GALNT18: variants seen among roughly 807,000 people sequenced by gnomAD.
GALNT18 encodes the protein polypeptide N-acetylgalactosaminyltransferase 18.
Under a neutral mutation model 69.5 loss-of-function variants are expected in GALNT18, and 44 were observed. That is an observed-to-expected ratio of 0.63 (90% CI 0.50 to 0.81). The LOEUF is 0.81. Among genes scored for constraint, GALNT18 ranks in the 40% least tolerant of loss-of-function variants. The pLI, the probability that GALNT18 is intolerant of heterozygous loss-of-function variation, is 0.00. For missense variants in GALNT18, 715 were observed against 810.0 expected (o/e 0.88, Z 1.42); for synonymous variants, 364 against 318.2 (o/e 1.14, Z -1.53).
chr11:11,585,579 C>T (rs1223019129), intron 1 of GALNT18, among the ~76,000 whole-genome samples: 3 of 152,114 alleles, frequency 2.0e-5, no homozygotes, highest in Non-Finnish European at 4.4e-5. Context: ...TGGTCTCGAA[C>T]TCCCGACCTC....
Position 11,377,151 on chromosome 11 carries a change from G to A in GALNT18, c.977+31C>T, listed in dbSNP as rs10444245. The A allele has an allele frequency of 0.81, 1,296,629 of 1,603,692 alleles. 532,185 individuals are homozygous for A. Among genetic ancestry groups the A allele is most frequent in the Middle Eastern group, 0.91 (4,084 of 4,468 alleles). On this transcript the variant is annotated intron_variant, in intron 5 of 10. Coordinates refer to ENST00000227756, the MANE Select transcript of GALNT18 (RefSeq NM_198516.3). The surrounding 1 kb of genome is among the most constrained non-coding windows in gnomAD (Gnocchi z 4.6). ...CGGTCCCTAGCCTGGAGGTCAAAGCGGAGAGACCCACAGGTAAAGGTTTGC... is the reference window on the plus strand; with the variant it reads ...CGGTCCCTAGCCTGGAGGTCAAAGCAGAGAGACCCACAGGTAAAGGTTTGC...
At chr11:11,524,434 A>G (rs566264000) in intron 1 of GALNT18, among the ~76,000 whole-genome samples, 1 of 152,314 alleles carries the variant, frequency 6.6e-6, no homozygotes, top group South Asian at 2.1e-4. Flanking sequence ...TGGTTTCTCA[A>G]TAACACTGAG....
rs911673990 is a variant in GALNT18 at position 11,318,055 on chromosome 11, A to G, written c.1512+9031T>C. Among the ~76,000 whole-genome samples, 17 of 152,216 alleles carry G rather than the reference A, an allele frequency of 1.1e-4. No individual in the cohort carries two copies. Among genetic ancestry groups the G allele is most frequent in the African/African-American group, 4.1e-4 (17 of 41,458 alleles). ...TTGTGACAAAGACAAGATCTCCCGGACACACAGAAAACCACAACTTGCTAC... is the reference window on the plus strand; with the variant it reads ...TTGTGACAAAGACAAGATCTCCCGGGCACACAGAAAACCACAACTTGCTAC... On this transcript the variant is annotated intron_variant, in intron 9 of 10. Coordinates refer to ENST00000227756, the MANE Select transcript of GALNT18 (RefSeq NM_198516.3). The surrounding 1 kb of genome is among the most constrained non-coding windows in gnomAD (Gnocchi z 5.1).
At position 11,463,462 on chromosome 11, in the gene GALNT18, T is replaced by C. The variant is rs1400021310; in HGVS notation, c.236-14526A>G. On this transcript the variant is annotated intron_variant, in intron 1 of 10. Transcript: ENST00000227756. The surrounding 1 kb of genome is among the most constrained non-coding windows in gnomAD (Gnocchi z 4.2). ...GTAGTGTACAGTGCAGAAGGATAAA[T>C]ACGAGCCAGGGCCCCAGCGAGGTTG... 5.9e-5 allele frequency among the ~76,000 whole-genome samples: 9 copies of C among 152,200 alleles called. No individual in the cohort carries two copies. Among genetic ancestry groups the C allele is most frequent in the Non-Finnish European group, 1.2e-4 (8 of 68,040 alleles).
At position 11,470,659 on chromosome 11, in the gene GALNT18, C is replaced by G. The variant is rs151327170; in HGVS notation, c.236-21723G>C. On this transcript the variant is annotated intron_variant, in intron 1 of 10. Coordinates refer to ENST00000227756, the MANE Select transcript of GALNT18 (RefSeq NM_198516.3). This position sits in a 1 kb window ranked among gnomAD's most constrained non-coding sequence, Gnocchi z 4.8. ...GAGACAGGGGATTGACTGAAAGACC[C>G]CTTTCAGGCTCCACTAGCTGGGTCC... 4.6e-5 allele frequency among the ~76,000 whole-genome samples: 7 copies of G among 152,238 alleles called. No homozygotes were observed. In the East Asian group the frequency reaches 1.4e-3, roughly 29 times the overall value.
intron 1 of GALNT18, among the ~76,000 whole-genome samples, chr11:11,486,454 G>C (rs142087583): frequency 6.6e-6 from 1 of 152,218 alleles, no homozygotes; most frequent in East Asian, 1.9e-4. Flanking sequence ...GAGTAGATCT[G>C]AAAGTTAAAT....
Position 11,341,980 on chromosome 11 carries a change from TTA to T in GALNT18, c.1093-978_1093-977del, listed in dbSNP as rs1850216941. ...CTAAAACATTAAAATTTTTTTTTTT[TTA>T]AAAAGACCTTGACTATATGGCCCCA... On this transcript the variant is annotated intron_variant, in intron 6 of 10. Transcript: ENST00000227756. The surrounding 1 kb of genome is among the most constrained non-coding windows in gnomAD (Gnocchi z 6.3). Among the ~76,000 whole-genome samples the T allele has an allele frequency of 6.9e-6, 1 of 145,656 alleles. No homozygotes were observed. The highest frequency in any genetic ancestry group is 2.5e-5 in the African/African-American group (1 of 40,288).
At chr11:11,577,948 TAGG>T (rs1249903690) in intron 1 of GALNT18, among the ~76,000 whole-genome samples, 1 of 152,022 alleles carries the variant, frequency 6.6e-6, no homozygotes, top group Non-Finnish European at 1.5e-5. Context: ...AGCAATTTGA[TAGG>T]AGAAGGAGAA....
chr11:11,404,081 G>T lies in GALNT18; in HGVS notation c.596-24817C>A, dbSNP rs1030245483. Among the ~76,000 whole-genome samples the T allele has an allele frequency of 6.6e-6, 1 of 152,224 alleles. No individual in the cohort carries two copies. Among genetic ancestry groups the T allele is most frequent in the Admixed American group, 6.5e-5 (1 of 15,288 alleles). ...CAGAGATACCAGGCAAATGATGAGC[G>T]AATGCCCCGCCACTTGCTGGCAGCA... is the stretch of plus-strand genomic sequence containing the variant. On this transcript the variant is annotated intron_variant, in intron 3 of 10. Coordinates refer to ENST00000227756, the MANE Select transcript of GALNT18 (RefSeq NM_198516.3). The surrounding 1 kb of genome is among the most constrained non-coding windows in gnomAD (Gnocchi z 4.5).
intron 4 of GALNT18, among the ~76,000 whole-genome samples, chr11:11,378,561 A>G (rs1214419319): frequency 2.0e-5 from 3 of 152,180 alleles, no homozygotes; most frequent in African/African-American, 7.2e-5. Context: ...ATGTTCTTAG[A>G]CAGTTTCACC....
At position 11,377,190 on chromosome 11, in the gene GALNT18, C is replaced by T. The variant is rs780698923; in HGVS notation, c.969G>A (p.Ala323=). The T allele has an allele frequency of 3.8e-5, 61 of 1,612,736 alleles. No individual in the cohort carries two copies. In the Admixed American group the frequency reaches 3.8e-4, roughly 10 times the overall value. ...KAWWKLENST[A]PIRSPALIGC... ...GTAAAGGTTTGCTTTACCTGATTGG[C>T]GCTGTGGAGTTCTCCAGCTTCCACC... is the stretch of plus-strand genomic sequence containing the variant. The change falls in exon 5 of 11, where the codon GCG becomes GCA. Residue 323 remains alanine (A), a synonymous_variant. Transcript: ENST00000227756. The surrounding 1 kb of genome is among the most constrained non-coding windows in gnomAD (Gnocchi z 4.6).
At chr11:11,348,986 G>A (rs922840194) in intron 6 of GALNT18, among the ~76,000 whole-genome samples, 1 of 152,024 alleles carries the variant, frequency 6.6e-6, no homozygotes, top group Non-Finnish European at 1.5e-5. Flanking sequence ...ACCTCTGAGT[G>A]CTTTTCCTTA....
At chr11:11,536,667 T>A (rs1857780493) in intron 1 of GALNT18, among the ~76,000 whole-genome samples, 1 of 149,638 alleles carries the variant, frequency 6.7e-6, no homozygotes, top group Non-Finnish European at 1.5e-5. Context: ...AAAAAAAACC[T>A]CCTGGTCCCT....
intron 9 of GALNT18, among the ~76,000 whole-genome samples, chr11:11,313,772 A>T (rs1409441680): frequency 6.6e-6 from 1 of 152,186 alleles, no homozygotes; most frequent in Non-Finnish European, 1.5e-5. Flanking sequence ...CAGTTTTCTC[A>T]CCTGTAAAGA....
At chr11:11,394,826 C>T (rs1854287165) in intron 3 of GALNT18, among the ~76,000 whole-genome samples, 1 of 152,230 alleles carries the variant, frequency 6.6e-6, no homozygotes, top group Non-Finnish European at 1.5e-5. Flanking sequence ...CTGGCTTTCC[C>T]TGGCACCGTA....
Position 11,320,675 on chromosome 11 carries a change from A to C in GALNT18, c.1512+6411T>G, listed in dbSNP as rs1183901031. Among the ~76,000 whole-genome samples, 1 of 152,184 alleles carries C rather than the reference A, an allele frequency of 6.6e-6. No individual in the cohort carries two copies. The highest frequency in any genetic ancestry group is 1.5e-5 in the Non-Finnish European group (1 of 68,020). On this transcript the variant is annotated intron_variant, in intron 9 of 10. Coordinates refer to ENST00000227756, the MANE Select transcript of GALNT18 (RefSeq NM_198516.3). The surrounding 1 kb of genome is among the most constrained non-coding windows in gnomAD (Gnocchi z 4.9). Reference sequence around the variant, plus strand: ...GAAGATGACTTTGGGAAGCCTTGCCAGACAGCAGCCCCTTACCTTTCACTC... The same window carrying C: ...GAAGATGACTTTGGGAAGCCTTGCCCGACAGCAGCCCCTTACCTTTCACTC...
At chr11:11,533,992 G>T (rs901218111) in intron 1 of GALNT18, among the ~76,000 whole-genome samples, 12 of 152,286 alleles carry the variant, frequency 7.9e-5, no homozygotes, top group Non-Finnish European at 1.6e-4. Flanking sequence ...GAGCTGTGTT[G>T]CTATGTGCCA....
At chr11:11,455,092 G>C (rs994135729) in intron 1 of GALNT18, among the ~76,000 whole-genome samples, 2 of 152,214 alleles carry the variant, frequency 1.3e-5, no homozygotes, top group African/African-American at 2.4e-5. Flanking sequence ...CTCCCTGATA[G>C]CTGTGCTTCC....
In GALNT18 at chr11:11,605,893, ACTGCACACAC is replaced by A. The variant is rs1178910035; in HGVS notation, c.235+15456_235+15465del. Among the ~76,000 whole-genome samples the A allele has an allele frequency of 6.6e-6, 1 of 152,152 alleles. No individual in the cohort carries two copies. Among genetic ancestry groups the A allele is most frequent in the Non-Finnish European group, 1.5e-5 (1 of 68,028 alleles). On this transcript the variant is annotated intron_variant, in intron 1 of 10. Coordinates refer to ENST00000227756, the MANE Select transcript of GALNT18 (RefSeq NM_198516.3). This position sits in a 1 kb window ranked among gnomAD's most constrained non-coding sequence, Gnocchi z 4.7. ...TGGGAGAGCTCAGTGTGGAAAGCAC[ACTGCACACAC>A]GCTCATGCGCACACACACACACCAC...
Sources: allele counts gnomAD v4.1 joint callset (sites outside exome capture counted in the v4.1 genomes callset), GRCh38; gene constraint gnomAD v4.1.1; non-coding constraint Gnocchi (gnomAD v3.1); transcripts MANE v1.5; gene names NCBI Gene and HGNC (gene_info 2026-07-23, HGNC 2026-07-21).